KCNAB1: variants seen among roughly 807,000 people sequenced by gnomAD.
KCNAB1 encodes the protein voltage-gated potassium channel subunit beta-1.
In KCNAB1, 35 loss-of-function variants were observed where a neutral mutation model predicts 64.6. The observed-to-expected ratio is 0.54, with a 90% CI of 0.41 to 0.72. The LOEUF (loss-of-function observed/expected upper bound fraction) is 0.72, where lower values mean the gene tolerates loss of function less well. KCNAB1 is among the 30% of genes least tolerant of loss of function. The probability of loss-of-function intolerance (pLI) is 0.00; values close to 1 mark genes in which losing one functional copy is unlikely to be tolerated. For synonymous variants in KCNAB1, 177 were observed against 183.8 expected (o/e 0.96, Z 0.30); for missense variants, 401 against 512.9 (o/e 0.78, Z 2.11).
chr3:156,266,041 A>G (rs115072911), intron 1 of KCNAB1, among the ~76,000 whole-genome samples: 4,174 of 152,188 alleles, frequency 0.027, 81 homozygotes, highest in African/African-American at 0.038. Context: ...ATAATATCCT[A>G]AACTTTTCCC....
chr3:156,118,573 A>G (rs990251785), upstream of KCNAB1, among the ~76,000 whole-genome samples: 1 of 152,234 alleles, frequency 6.6e-6, no homozygotes, highest in African/African-American at 2.4e-5. Flanking sequence ...CTCTATTTTT[A>G]TAGATGAAGA....
intron 8 of KCNAB1, among the ~76,000 whole-genome samples, chr3:156,513,939 A>T (rs968506038): frequency 6.6e-6 from 1 of 152,206 alleles, no homozygotes; most frequent in African/African-American, 2.4e-5. Flanking sequence ...ATACAAAGAC[A>T]AGCCTTTCAC....
intron 1 of KCNAB1, among the ~76,000 whole-genome samples, chr3:156,196,796 T>G (rs1713978804): frequency 6.6e-6 from 1 of 152,230 alleles, no homozygotes; most frequent in Non-Finnish European, 1.5e-5. Flanking sequence ...GCTTTATTTC[T>G]TTCCCTTGCC....
intron 2 of KCNAB1, among the ~76,000 whole-genome samples, chr3:156,444,015 T>C (rs1184863184): frequency 2.0e-5 from 3 of 152,230 alleles, no homozygotes; most frequent in African/African-American, 7.2e-5. Flanking sequence ...GCTAAGTTGC[T>C]ATCACATTTG....
intron 1 of KCNAB1, among the ~76,000 whole-genome samples, chr3:156,344,716 G>A (rs9880939): frequency 0.11 from 16,873 of 152,108 alleles, 2,985 homozygotes; most frequent in African/African-American, 0.37. Context: ...AAACACTAGC[G>A]AAGAGATTTT....
At chr3:156,348,713 A>G (rs1199071340) in intron 1 of KCNAB1, among the ~76,000 whole-genome samples, 1 of 152,208 alleles carries the variant, frequency 6.6e-6, no homozygotes, top group South Asian at 2.1e-4. Context: ...CCTAAATTCA[A>G]TATTGTTATT....
chr3:156,340,291 A>G (rs908519031), intron 1 of KCNAB1, among the ~76,000 whole-genome samples: 3 of 152,160 alleles, frequency 2.0e-5, no homozygotes, highest in Admixed American at 2.0e-4. Flanking sequence ...AAAACCCCCA[A>G]AGTCCTTAGC....
chr3:156,318,880 GC>G (rs1722471436), intron 1 of KCNAB1, among the ~76,000 whole-genome samples: 1 of 152,066 alleles, frequency 6.6e-6, no homozygotes, highest in African/African-American at 2.4e-5. Flanking sequence ...GAAAACCAAG[GC>G]CCCAAGACAT....
chr3:156,382,805 G>C (rs1412979798), intron 1 of KCNAB1, among the ~76,000 whole-genome samples: 1 of 152,198 alleles, frequency 6.6e-6, no homozygotes, highest in East Asian at 1.9e-4. Context: ...GGATCTCCAA[G>C]TGACCACCAT....
rs530621730 is a variant in KCNAB1 at position 156,149,930 on chromosome 3, A to G, written c.275+29044A>G. Among the ~76,000 whole-genome samples the G allele has an allele frequency of 8.1e-4, 123 of 152,310 alleles. 1 individual carries two copies. The South Asian group carries it at 0.024, about 30-fold the overall frequency. On this transcript the variant is annotated intron_variant, in intron 1 of 13. Transcript: ENST00000490337. ...GCACACTCAGACCTGCTTGAAAAGT[A>G]TTAATAGCTAGAGCTGTGACTGTGA... is the stretch of plus-strand genomic sequence containing the variant.
At chr3:156,497,720 G>T (rs1716103904) in intron 8 of KCNAB1, among the ~76,000 whole-genome samples, 1 of 152,180 alleles carries the variant, frequency 6.6e-6, no homozygotes, top group Non-Finnish European at 1.5e-5. Context: ...AGAAATATTA[G>T]ATGCCATGTA....
intron 2 of KCNAB1, among the ~76,000 whole-genome samples, chr3:156,448,585 C>T (rs10428230): frequency 0.12 from 17,606 of 152,116 alleles, 1,524 homozygotes; most frequent in African/African-American, 0.24. Context: ...GGAGGCATTT[C>T]AGCCAAGGAG....
intron 1 of KCNAB1, among the ~76,000 whole-genome samples, chr3:156,264,677 A>G (rs1055744675): frequency 2.6e-5 from 4 of 152,078 alleles, no homozygotes; most frequent in African/African-American, 9.7e-5. Context: ...CCTTTGTATT[A>G]TATTTTGTAA....
intron 1 of KCNAB1, among the ~76,000 whole-genome samples, chr3:156,338,213 C>T (rs1180079020): frequency 6.7e-6 from 1 of 149,384 alleles, no homozygotes. Flanking sequence ...CATATGGAGA[C>T]AGAACTCTCT....
At chr3:156,304,615 G>A (rs1216990111) in intron 1 of KCNAB1, among the ~76,000 whole-genome samples, 1 of 152,218 alleles carries the variant, frequency 6.6e-6, no homozygotes, top group East Asian at 1.9e-4. Flanking sequence ...TTGTTGGCAT[G>A]TGGCAGTGGA....
intron 1 of KCNAB1, among the ~76,000 whole-genome samples, chr3:156,238,900 G>A (rs1172998726): frequency 2.0e-5 from 3 of 152,090 alleles, no homozygotes; most frequent in Non-Finnish European, 2.9e-5. Context: ...ACAATACTTC[G>A]CTTTCATGTC....
chr3:156,500,024 C>T (rs1215651540), intron 8 of KCNAB1, among the ~76,000 whole-genome samples: 3 of 152,212 alleles, frequency 2.0e-5, no homozygotes, highest in Non-Finnish European at 4.4e-5. Context: ...AGGAAGACTG[C>T]ATTACTCTCT....
At chr3:156,413,695 T>C (rs531769553) in intron 1 of KCNAB1, among the ~76,000 whole-genome samples, 1 of 152,266 alleles carries the variant, frequency 6.6e-6, no homozygotes, top group South Asian at 2.1e-4. Context: ...AAGAAAGTCA[T>C]AAGTGAGTAG....
intron 1 of KCNAB1, among the ~76,000 whole-genome samples, chr3:156,328,167 C>T (rs192168448): frequency 6.6e-6 from 1 of 152,220 alleles, no homozygotes; most frequent in East Asian, 1.9e-4. Context: ...AGCTGCATGT[C>T]GTTTGCAGTG....
Sources: gnomAD v4.1 joint callset for allele counts (sites outside exome capture counted in the v4.1 genomes callset) on GRCh38, gnomAD v4.1.1 for gene constraint, MANE v1.5 for transcripts, NCBI Gene and HGNC (gene_info 2026-07-23, HGNC 2026-07-21) for gene names.